ZNF804B: variants seen among roughly 807,000 people sequenced by gnomAD.
ZNF804B encodes zinc finger 804B.
A neutral mutation model predicts 101.4 loss-of-function variants in ZNF804B; 80 were observed. The observed-to-expected ratio is 0.79, with a 90% CI of 0.66 to 0.95. ZNF804B has a LOEUF of 0.95. ZNF804B is among the 40% of genes least tolerant of loss of function. The pLI is 0.00. For missense variants in ZNF804B, 1,673 were observed against 1,561.9 expected, an observed-to-expected ratio of 1.07 and a Z score of -1.20; for synonymous variants, 622 against 558.8, an observed-to-expected ratio of 1.11 and a Z score of -1.59.
intron 1 of ZNF804B, among the ~76,000 whole-genome samples, chr7:88,851,093 G>A (rs1042042951): frequency 3.9e-5 from 6 of 152,070 alleles, no homozygotes; most frequent in Non-Finnish European, 8.8e-5. Context: ...AATATCTAAT[G>A]TGAAACATAA....
chr7:88,950,672 T>C (rs1335302275), intron 1 of ZNF804B, among the ~76,000 whole-genome samples: 1 of 150,798 alleles, frequency 6.6e-6, no homozygotes, highest in Non-Finnish European at 1.5e-5. Flanking sequence ...GTTTTTTTTT[T>C]CTCTTTATGC....
chr7:89,234,670 A>G (rs902266208), intron 2 of ZNF804B, among the ~76,000 whole-genome samples: 3 of 151,396 alleles, frequency 2.0e-5, no homozygotes, highest in African/African-American at 7.3e-5. Context: ...GTCTCTCCCC[A>G]CTCCCATTTC....
chr7:89,270,120 T>C (rs954326415), intron 2 of ZNF804B, among the ~76,000 whole-genome samples: 2 of 152,222 alleles, frequency 1.3e-5, no homozygotes, highest in African/African-American at 2.4e-5. Flanking sequence ...TTTGGTGTTC[T>C]AGACATGAAG....
chr7:89,310,903 A>G (rs1306459467), intron 2 of ZNF804B, among the ~76,000 whole-genome samples: 1 of 152,122 alleles, frequency 6.6e-6, no homozygotes, highest in Non-Finnish European at 1.5e-5. Flanking sequence ...CCAAATAAAG[A>G]CGGCTTCATG....
At chr7:88,765,470 T>C (rs1272700342) in intron 1 of ZNF804B, among the ~76,000 whole-genome samples, 1 of 152,190 alleles carries the variant, frequency 6.6e-6, no homozygotes, top group African/African-American at 2.4e-5. Context: ...GAGCTTGAAA[T>C]GCCAGTTGGT....
chr7:89,198,175 A>T lies in ZNF804B; in HGVS notation c.109-19980A>T, dbSNP rs528591591. ...ACTAATGATATGATTTAAGGCATATAGGTTAAAATGGGGATAGTTTATGGA... is the reference window on the plus strand; with the variant it reads ...ACTAATGATATGATTTAAGGCATATTGGTTAAAATGGGGATAGTTTATGGA... On this transcript the variant is annotated intron_variant, in intron 1 of 3. Coordinates refer to ENST00000333190, the MANE Select transcript of ZNF804B (RefSeq NM_181646.5). Among the ~76,000 whole-genome samples, 177 of 152,042 alleles carry T rather than the reference A, an allele frequency of 1.2e-3. 2 individuals carry two copies. The highest frequency in any genetic ancestry group is 4.1e-3 in the African/African-American group (172 of 41,548).
chr7:89,334,422 T>C lies in ZNF804B; in HGVS notation c.1440T>C (p.Phe480=). The C allele has an allele frequency of 6.2e-7, 1 of 1,613,798 alleles. No individual in the cohort carries two copies. The highest frequency in any genetic ancestry group is 8.5e-7 in the Non-Finnish European group (1 of 1,179,866). The change falls in exon 4 of 4, where the codon TTT becomes TTC. Residue 480 remains phenylalanine, a synonymous_variant. Coordinates refer to ENST00000333190, the MANE Select transcript of ZNF804B (RefSeq NM_181646.5). ...CTTATGGCTGCAACCCACTGTATTT[T>C]GATTTTAAGCTTTCTCGGAACACAA... ...CISYGCNPLY[F]DFKLSRNTKE...
chr7:89,044,736 A>G (rs1031085071), intron 1 of ZNF804B, among the ~76,000 whole-genome samples: 3 of 152,176 alleles, frequency 2.0e-5, no homozygotes, highest in African/African-American at 7.2e-5. Context: ...CTTCAGTTAG[A>G]TGACTTAGGG....
chr7:88,950,550 T>C (rs941913754), intron 1 of ZNF804B, among the ~76,000 whole-genome samples: 1 of 151,936 alleles, frequency 6.6e-6, no homozygotes, highest in African/African-American at 2.4e-5. Flanking sequence ...TAAGACTTAA[T>C]GCCCATTTTC....
At chr7:88,934,727 A>T (rs182986770) in intron 1 of ZNF804B, among the ~76,000 whole-genome samples, 133 of 152,074 alleles carry the variant, frequency 8.7e-4, no homozygotes, top group South Asian at 1.7e-3. Context: ...AACAATTAAA[A>T]AGTAAAAAAC....
At chr7:88,990,616 C>G (rs1793830964) in intron 1 of ZNF804B, among the ~76,000 whole-genome samples, 1 of 152,108 alleles carries the variant, frequency 6.6e-6, no homozygotes, top group Admixed American at 6.6e-5. Flanking sequence ...CCAGATATTA[C>G]AGCTAAGGAA....
intron 1 of ZNF804B, among the ~76,000 whole-genome samples, chr7:88,881,997 C>T (rs991872462): frequency 1.3e-5 from 2 of 152,088 alleles, no homozygotes; most frequent in African/African-American, 4.8e-5. Flanking sequence ...AATATAGACA[C>T]TATTATTCTC....
chr7:89,008,889 A>G (rs28542878), intron 1 of ZNF804B, among the ~76,000 whole-genome samples: 1 of 151,972 alleles, frequency 6.6e-6, no homozygotes, highest in African/African-American at 2.4e-5. Context: ...TTTCTTTTCC[A>G]GTGATGTTTT....
At chr7:88,769,122 T>C (rs1325590409) in intron 1 of ZNF804B, among the ~76,000 whole-genome samples, 1 of 152,206 alleles carries the variant, frequency 6.6e-6, no homozygotes, top group Non-Finnish European at 1.5e-5. Context: ...CAACAAGTTT[T>C]ATCAAACTCC....
chr7:89,274,262 A>C (rs2115847285), intron 2 of ZNF804B, among the ~76,000 whole-genome samples: 1 of 140,556 alleles, frequency 7.1e-6, no homozygotes, highest in Non-Finnish European at 1.5e-5. Flanking sequence ...TGCACCCACT[A>C]ACTCGTCATC....
chr7:89,218,204 C>T lies in ZNF804B; in HGVS notation c.158C>T (p.Ala53Val). ...STAKALEDVK[A>V]NFYCELCDKQ... ...GCAAAGGCCCTGGAAGATGTAAAGGCAAACTTTTACTGTGAATTATGTGAC... is the reference window on the plus strand; with the variant it reads ...GCAAAGGCCCTGGAAGATGTAAAGGTAAACTTTTACTGTGAATTATGTGAC... Residue 53 changes from alanine to valine, a missense_variant, in exon 2 of 4, where the codon GCA (alanine) becomes GTA (valine). Coordinates refer to ENST00000333190, the MANE Select transcript of ZNF804B (RefSeq NM_181646.5). The T allele has an allele frequency of 6.2e-7, 1 of 1,613,788 alleles. No individual in the cohort carries two copies. Among genetic ancestry groups the T allele is most frequent in the Non-Finnish European group, 8.5e-7 (1 of 1,179,822 alleles).
intron 1 of ZNF804B, among the ~76,000 whole-genome samples, chr7:88,943,654 A>AAT (rs971942995): frequency 1.3e-4 from 19 of 151,850 alleles, no homozygotes; most frequent in African/African-American, 4.6e-4. Context: ...AGTTCTGATA[A>AAT]ATATAAACAA....
rs375356215 is a variant in ZNF804B, at chr7:89,335,984, C to T, written c.3002C>T (p.Thr1001Met). The T allele has an allele frequency of 8.4e-5, 135 of 1,613,816 alleles. No homozygotes were observed. The highest frequency in any genetic ancestry group is 2.5e-4 in the East Asian group (11 of 44,884). ...NDQDSAIPRT[T>M]EKDKSKSSHT... ...CAAGACAGTGCAATTCCAAGGACTA[C>T]GGAGAAAGACAAAAGCAAAAGTTCA... is the stretch of plus-strand genomic sequence containing the variant. The change falls in exon 4 of 4, where the codon ACG (threonine) becomes ATG (methionine). Residue 1001 changes from threonine (T) to methionine (M), a missense_variant. Thr to Met is a moderately conservative substitution (Grantham distance 81). Transcript: ENST00000333190.
chr7:89,208,015 G>A (rs901056309), intron 1 of ZNF804B, among the ~76,000 whole-genome samples: 6 of 151,866 alleles, frequency 4.0e-5, no homozygotes, highest in Admixed American at 2.0e-4. Flanking sequence ...CATTTTGGTG[G>A]GCTAATACTG....
Sources: allele counts gnomAD v4.1 joint callset (sites outside exome capture counted in the v4.1 genomes callset), GRCh38; gene constraint gnomAD v4.1.1; transcripts MANE v1.5; gene names NCBI Gene and HGNC (gene_info 2026-07-23, HGNC 2026-07-21).